The following BCAS3 variants were observed in gnomAD, a reference collection of about 807,000 sequenced individuals.
The protein encoded by BCAS3 is BCAS4/BCAS3 fusion.
BCAS3 carries 53 observed loss-of-function variants against 116.1 expected under a neutral mutation model. The ratio of observed to expected loss-of-function variants is 0.46; its 90% CI spans 0.37 to 0.57. The LOEUF (loss-of-function observed/expected upper bound fraction) is 0.57. Among genes scored for constraint, BCAS3 ranks in the 20% least tolerant of loss-of-function variants. The pLI is 0.00. For missense variants in BCAS3, 917 were observed against 1,165.4 expected (o/e 0.79, Z 3.10); for synonymous variants, 391 against 408.2 (o/e 0.96, Z 0.51).
At position 60,956,256 on chromosome 17, in the gene BCAS3, T is replaced by C. The variant is rs56071128; in HGVS notation, c.1221+8904T>C. ...GTCCTTTTGACATATCTTCACCACT[T>C]TCTGAGCTTGTCCTTACTTTCTGGC... On this transcript the variant is annotated intron_variant, in intron 14 of 23. Transcript: ENST00000407086. The surrounding 1 kb of genome is among the most constrained non-coding windows in gnomAD (Gnocchi z 4.2). 0.15 allele frequency among the ~76,000 whole-genome samples: 22,599 copies of C among 152,222 alleles called. 5,560 individuals carry two copies. The highest frequency in any genetic ancestry group is 0.51 in the African/African-American group (21,182 of 41,466).
intron 5 of BCAS3, among the ~76,000 whole-genome samples, chr17:60,746,226 T>A (rs1182041729): frequency 6.6e-6 from 1 of 152,186 alleles, no homozygotes; most frequent in African/African-American, 2.4e-5. Flanking sequence ...AGAACTACAG[T>A]ACCACGTACA....
At chr17:60,688,237 A>G (rs576339329) in intron 3 of BCAS3, 1 of 152,294 alleles carries the variant, frequency 6.6e-6, no homozygotes, top group East Asian at 1.9e-4. Flanking sequence ...ATAGTAATGC[A>G]CCAGTGTTAC....
At chr17:60,856,675 A>T (rs1263325429) in intron 7 of BCAS3, among the ~76,000 whole-genome samples, 1 of 152,106 alleles carries the variant, frequency 6.6e-6, no homozygotes, top group Non-Finnish European at 1.5e-5. Flanking sequence ...TGGGCGATAC[A>T]GCCAGACTGT....
In BCAS3 at chr17:61,019,409, C is replaced by T. The variant is rs1009961444; in HGVS notation, c.1637+3508C>T. 6.6e-6 allele frequency among the ~76,000 whole-genome samples: 1 copy of T among 152,156 alleles called. No homozygotes were observed. The highest frequency in any genetic ancestry group is 2.4e-5 in the African/African-American group (1 of 41,430). ...GTTTGTTGATTATACCTGGAAACTA[C>T]TATTGACTTTTCTGATTGTTCTTTT... On this transcript the variant is annotated intron_variant, in intron 16 of 23. Coordinates refer to ENST00000407086, the MANE Select transcript of BCAS3 (RefSeq NM_017679.5). This position sits in a 1 kb window ranked among gnomAD's most constrained non-coding sequence, Gnocchi z 5.6.
chr17:61,218,623 A>C (rs991733551), intron 22 of BCAS3, among the ~76,000 whole-genome samples: 18 of 152,220 alleles, frequency 1.2e-4, no homozygotes, highest in Non-Finnish European at 2.6e-4. Context: ...TTAGGCAAGC[A>C]AGACATCCAG....
At chr17:60,980,924 C>A (rs978689825) in intron 14 of BCAS3, among the ~76,000 whole-genome samples, 2 of 152,010 alleles carry the variant, frequency 1.3e-5, no homozygotes, top group Admixed American at 6.6e-5. Context: ...GCTTCAAGCT[C>A]CTGGGCTGAA....
Position 61,286,011 on chromosome 17 carries a change from G to C in BCAS3, c.2426-82316G>C, listed in dbSNP as rs2051735954. Among the ~76,000 whole-genome samples the C allele has an allele frequency of 6.6e-6, 1 of 152,168 alleles. No homozygotes were observed. The highest frequency in any genetic ancestry group is 1.5e-5 in the Non-Finnish European group (1 of 68,040). On this transcript the variant is annotated intron_variant, in intron 22 of 23. Transcript: ENST00000407086. The surrounding 1 kb of genome is among the most constrained non-coding windows in gnomAD (Gnocchi z 4.8). ...CTAAAACCAGCCCCAGGCTTTGACT[G>C]TCAATATCATGACACCTTTTTACTC...
intron 4 of BCAS3, among the ~76,000 whole-genome samples, chr17:60,697,473 C>T (rs1386355247): frequency 6.6e-6 from 1 of 150,816 alleles, no homozygotes; most frequent in Non-Finnish European, 1.5e-5. Flanking sequence ...ATCCCAGCTA[C>T]TTGGGAGGCT....
At chr17:61,022,694 C>T (rs995053705) in intron 16 of BCAS3, among the ~76,000 whole-genome samples, 1 of 152,148 alleles carries the variant, frequency 6.6e-6, no homozygotes, top group African/African-American at 2.4e-5. Context: ...GGCTCAAGTG[C>T]AGTAGTGTGA....
intron 10 of BCAS3, among the ~76,000 whole-genome samples, chr17:60,902,128 A>T (rs1599562914): frequency 6.6e-6 from 1 of 152,228 alleles, no homozygotes; most frequent in East Asian, 1.9e-4. Context: ...ATTTATGCGT[A>T]ATTTGTAATG....
intron 22 of BCAS3, among the ~76,000 whole-genome samples, chr17:61,295,643 G>A (rs2052816283): frequency 6.6e-6 from 1 of 152,026 alleles, no homozygotes; most frequent in Admixed American, 6.6e-5. Flanking sequence ...GGATGTCCAT[G>A]GTTGCCGTTT....
rs1332137824 is a variant in BCAS3, at chr17:61,286,750, A to T, written c.2426-81577A>T. 1.3e-5 allele frequency among the ~76,000 whole-genome samples: 2 copies of T among 152,204 alleles called. No homozygotes were observed. The highest frequency in any genetic ancestry group is 2.4e-5 in the African/African-American group (1 of 41,456). On this transcript the variant is annotated intron_variant, in intron 22 of 23. Coordinates refer to ENST00000407086, the MANE Select transcript of BCAS3 (RefSeq NM_017679.5). The surrounding 1 kb of genome is among the most constrained non-coding windows in gnomAD (Gnocchi z 4.8). ...ATATGTTTGGTCTCTAAACTCTGCC[A>T]CGGGCTTACCAGAGTGAGAAGTTAG...
intron 4 of BCAS3, among the ~76,000 whole-genome samples, chr17:60,693,127 T>G (rs2035089875): frequency 6.6e-6 from 1 of 151,894 alleles, no homozygotes; most frequent in Non-Finnish European, 1.5e-5. Context: ...CTGCCCGCTT[T>G]GGCCTCCCAA....
Position 60,924,447 on chromosome 17 carries a change from C to T in BCAS3, c.1034C>T (p.Ala345Val). 6.2e-7 allele frequency: 1 copy of T among 1,613,174 alleles called. No individual in the cohort carries two copies. Among genetic ancestry groups the T allele is most frequent in the Non-Finnish European group, 8.5e-7 (1 of 1,179,796 alleles). Residue 345 changes from alanine (A) to valine (V), a missense_variant, in exon 13 of 24, where the codon GCC becomes GTC. By Grantham distance (64) the Ala-to-Val change is moderately conservative (BLOSUM62 0). Around this residue, in one of 3 missense-constraint regions of BCAS3, gnomAD observed 807 missense variants for 1,026.0 expected, o/e 0.79. Transcript: ENST00000407086. ...SEDSDSDGIVAHFPAHEKPVC... is the reference protein window; with the variant it reads ...SEDSDSDGIVVHFPAHEKPVC... ...GATTCTGACAGTGATGGCATTGTGG[C>T]CCACTTCCCTGCCCATGAGAAGCCA... is the stretch of plus-strand genomic sequence containing the variant.
At chr17:61,260,800 A>G (rs949795375) in intron 22 of BCAS3, among the ~76,000 whole-genome samples, 4 of 152,232 alleles carry the variant, frequency 2.6e-5, no homozygotes, top group African/African-American at 9.6e-5. Flanking sequence ...AACAACGCCT[A>G]TAGGAGCAGA....
At chr17:60,936,390 G>A (rs867990792) in intron 13 of BCAS3, among the ~76,000 whole-genome samples, 11 of 152,074 alleles carry the variant, frequency 7.2e-5, no homozygotes, top group Middle Eastern at 3.4e-3. Context: ...GGGATTGCAG[G>A]GTCAAATGGT....
At chr17:60,735,356 G>T (rs2040852946) in intron 5 of BCAS3, among the ~76,000 whole-genome samples, 2 of 151,940 alleles carry the variant, frequency 1.3e-5, no homozygotes, top group Admixed American at 1.3e-4. Flanking sequence ...AAAAAACCTG[G>T]TGAGAGGGGA....
intron 22 of BCAS3, among the ~76,000 whole-genome samples, chr17:61,274,510 A>G (rs2144644401): frequency 6.6e-6 from 1 of 152,092 alleles, no homozygotes; most frequent in Admixed American, 6.5e-5. Flanking sequence ...GCTGGTCTCA[A>G]ACTCCTGACC....
intron 22 of BCAS3, among the ~76,000 whole-genome samples, chr17:61,322,794 C>CAGAGAGAGAGAGAGAGAGAGAG (rs35581770): frequency 1.6e-3 from 163 of 99,650 alleles, no homozygotes; most frequent in Middle Eastern, 5.6e-3. Flanking sequence ...GAGAGAGAGA[C>CAGAGAGAGAGAGAGAGAGAGAG]AGAGAGAGAG....
Sources: allele counts gnomAD v4.1 joint callset (sites outside exome capture counted in the v4.1 genomes callset), GRCh38; gene constraint gnomAD v4.1.1; regional missense constraint gnomAD v4.1.1; non-coding constraint Gnocchi (gnomAD v3.1); transcripts MANE v1.5; gene names NCBI Gene and HGNC (gene_info 2026-07-23, HGNC 2026-07-21).